EPHA3: variants seen among roughly 807,000 people sequenced by gnomAD.
EPHA3 encodes the protein EPH receptor A3, also known as ephrin type-A receptor 3.
Under a neutral mutation model 107.1 loss-of-function variants are expected in EPHA3, and 42 were observed. The observed-to-expected ratio is 0.39, with a 90% confidence interval of 0.31 to 0.51. EPHA3 has a LOEUF of 0.51. Ranked by LOEUF, EPHA3 falls within the 20% of genes least tolerant of loss-of-function variation. The pLI is 0.78. For synonymous variants in EPHA3, 461 were observed against 424.8 expected (o/e 1.09, Z -1.05); for missense variants, 1,183 against 1,211.2 (o/e 0.98, Z 0.35).
chr3:89,184,919 G>A (rs1705529187), intron 2 of EPHA3, among the ~76,000 whole-genome samples: 1 of 151,980 alleles, frequency 6.6e-6, no homozygotes, highest in Non-Finnish European at 1.5e-5. Flanking sequence ...TTACCAACAG[G>A]GAGATTGGCA....
intron 3 of EPHA3, among the ~76,000 whole-genome samples, chr3:89,285,652 A>G (rs1706064411): frequency 1.3e-5 from 2 of 152,220 alleles, no homozygotes; most frequent in Non-Finnish European, 2.9e-5. Context: ...TGGCCGGAAG[A>G]GTTGTTGGTA....
intron 3 of EPHA3, among the ~76,000 whole-genome samples, chr3:89,240,745 T>C (rs528768256): frequency 1.4e-4 from 22 of 152,144 alleles, no homozygotes; most frequent in Non-Finnish European, 2.9e-4. Context: ...AAAAATAATA[T>C]TAAAGCAGAA....
rs1559681526 is a variant in EPHA3 at position 89,399,436 on chromosome 3, A to G, written c.1550A>G (p.Tyr517Cys). The change falls in exon 7 of 17, where the codon TAT becomes TGT. Residue 517 changes from tyrosine to cysteine, a missense_variant. Coordinates refer to ENST00000336596, the MANE Select transcript of EPHA3 (RefSeq NM_005233.6). The stretch of plus-strand genomic sequence containing the variant: ...ATCCGAGCCCGAACAGCCGCTGGAT[A>G]TGGGACGAACAGCCGCAAGTTTGAG... ...FQIRARTAAGYGTNSRKFEFE... is the reference protein window; with the variant it reads ...FQIRARTAAGCGTNSRKFEFE... 3 of 1,614,036 alleles carry G rather than the reference A, an allele frequency of 1.9e-6. No homozygotes were observed. The Admixed American group carries it at 5.0e-5, about 27-fold the overall frequency.
chr3:89,366,951 A>G (rs1708196141), intron 5 of EPHA3, among the ~76,000 whole-genome samples: 1 of 150,692 alleles, frequency 6.6e-6, no homozygotes, highest in Non-Finnish European at 1.5e-5. Flanking sequence ...TTCCACCAGC[A>G]CAAACTCTCT....
chr3:89,377,662 G>C (rs1559671841), intron 5 of EPHA3, among the ~76,000 whole-genome samples: 1 of 151,992 alleles, frequency 6.6e-6, no homozygotes, highest in South Asian at 2.1e-4. Flanking sequence ...TTTTTTCCTA[G>C]CTAGGTGCAT....
intron 1 of EPHA3, among the ~76,000 whole-genome samples, chr3:89,126,790 A>G (rs540313916): frequency 1.3e-5 from 2 of 151,924 alleles, no homozygotes; most frequent in Non-Finnish European, 3.0e-5. Flanking sequence ...AAATTGACTC[A>G]TTCTGTCAAC....
chr3:89,366,309 A>G (rs1323534356), intron 5 of EPHA3, among the ~76,000 whole-genome samples: 2 of 150,486 alleles, frequency 1.3e-5, no homozygotes, highest in Non-Finnish European at 3.0e-5. Context: ...TGAATAAAGG[A>G]GCAAGGGGGG....
chr3:89,191,249 G>T (rs1312433262), intron 2 of EPHA3, among the ~76,000 whole-genome samples: 1 of 151,618 alleles, frequency 6.6e-6, no homozygotes, highest in Non-Finnish European at 1.5e-5. Flanking sequence ...GAGTTCCCAT[G>T]ATTCCTAATT....
At chr3:89,379,462 T>C (rs1559672573) in intron 5 of EPHA3, among the ~76,000 whole-genome samples, 1 of 152,214 alleles carries the variant, frequency 6.6e-6, no homozygotes, top group African/African-American at 2.4e-5. Context: ...CAATCTCTTT[T>C]TGTAGTACTT....
In EPHA3 at chr3:89,299,783, A is replaced by G. The variant is rs539779891; in HGVS notation, c.815-41133A>G. 2.6e-5 allele frequency among the ~76,000 whole-genome samples: 4 copies of G among 152,160 alleles called. No individual in the cohort carries two copies. In the South Asian group the frequency reaches 8.3e-4, roughly 32 times the overall value. On this transcript the variant is annotated intron_variant, in intron 3 of 16. Transcript: ENST00000336596. Reference sequence around the variant, plus strand: ...TAGTTTTAAAGAAAATGTATTGGGCAGGAGTTTGTCTAACACTGTATATGA... The same window carrying G: ...TAGTTTTAAAGAAAATGTATTGGGCGGGAGTTTGTCTAACACTGTATATGA...
chr3:89,334,552 G>A (rs192091374), intron 3 of EPHA3, among the ~76,000 whole-genome samples: 74 of 152,260 alleles, frequency 4.9e-4, no homozygotes, highest in African/African-American at 1.8e-3. Flanking sequence ...TTTTAAATGA[G>A]GAAATTGAAG....
intron 3 of EPHA3, among the ~76,000 whole-genome samples, chr3:89,266,740 A>C (rs1039879080): frequency 1.3e-5 from 2 of 151,864 alleles, no homozygotes; most frequent in Non-Finnish European, 2.9e-5. Context: ...TTCTGTTCGG[A>C]CTGTAAACAA....
At chr3:89,238,178 A>G (rs1704817078) in intron 3 of EPHA3, among the ~76,000 whole-genome samples, 2 of 152,148 alleles carry the variant, frequency 1.3e-5, no homozygotes, top group Admixed American at 1.3e-4. Flanking sequence ...TATGTTGATT[A>G]TTTTCTCAAA....
chr3:89,356,454 T>G (rs1707959171), intron 5 of EPHA3, among the ~76,000 whole-genome samples: 1 of 151,116 alleles, frequency 6.6e-6, no homozygotes, highest in Admixed American at 6.6e-5. Context: ...CCACCAACAG[T>G]GTAAAAGTGT....
chr3:89,472,893 CACCCATA>C (rs2107575699), intron 16 of EPHA3, among the ~76,000 whole-genome samples: 1 of 152,252 alleles, frequency 6.6e-6, no homozygotes, highest in South Asian at 2.1e-4. Context: ...AACAGATTCA[CACCCATA>C]ACCACACTGC....
Position 89,234,862 on chromosome 3 carries a change from T to A in EPHA3, c.814+24342T>A, listed in dbSNP as rs149647898. On this transcript the variant is annotated intron_variant, in intron 3 of 16. Transcript: ENST00000336596. ...CTTTCCTTCCTTCCTTCCTCCCTTC[T>A]TTCCTTCTCTTCCTTCCTGCCTTCC... is the stretch of plus-strand genomic sequence containing the variant. 1.2e-3 allele frequency among the ~76,000 whole-genome samples: 160 copies of A among 136,664 alleles called. 1 individual carries two copies. The highest frequency in any genetic ancestry group is 8.6e-3 in the East Asian group (37 of 4,316). The allele number at this position is 136,664 out of a possible 152,430, so 89.7% of individuals were successfully genotyped here.
intron 2 of EPHA3, among the ~76,000 whole-genome samples, chr3:89,197,631 C>A (rs1434064185): frequency 1.3e-5 from 2 of 151,980 alleles, no homozygotes; most frequent in Non-Finnish European, 2.9e-5. Context: ...AGATTTTATT[C>A]CAGTTTAGAA....
At chr3:89,316,511 T>TAC (rs1706909506) in intron 3 of EPHA3, among the ~76,000 whole-genome samples, 1 of 96,192 alleles carries the variant, frequency 1.0e-5, no homozygotes, top group African/African-American at 4.2e-5. Flanking sequence ...GTGTAATATA[T>TAC]ATATATATAT....
chr3:89,136,123 T>G (rs1704304375), intron 2 of EPHA3, among the ~76,000 whole-genome samples: 1 of 151,962 alleles, frequency 6.6e-6, no homozygotes, highest in Admixed American at 6.6e-5. Context: ...GATTCTGCCT[T>G]TATGAATCAC....
Sources: allele counts gnomAD v4.1 joint callset (sites outside exome capture counted in the v4.1 genomes callset), GRCh38; gene constraint gnomAD v4.1.1; transcripts MANE v1.5; gene names NCBI Gene and HGNC (gene_info 2026-07-23, HGNC 2026-07-21).